Variants in ANAPC1 observed in about 807,000 individuals in gnomAD.
ANAPC1 encodes the protein anaphase promoting complex subunit 1.
In ANAPC1, 36 loss-of-function variants were observed where a neutral mutation model predicts 208.0. The observed-to-expected ratio is 0.17, with a 90% CI of 0.13 to 0.23. The LOEUF is 0.23. Ranked by LOEUF, ANAPC1 falls within the 10% of genes least tolerant of loss-of-function variation. The pLI is 1.00. For synonymous variants in ANAPC1, 378 were observed against 695.2 expected, an observed-to-expected ratio of 0.54 and a Z score of 7.18; for missense variants, 942 against 2,011.6, an observed-to-expected ratio of 0.47 and a Z score of 10.17.
At chr2:111,806,995 G>A (rs1678714163) in intron 29 of ANAPC1, among the ~76,000 whole-genome samples, 1 of 68,066 alleles carries the variant, frequency 1.5e-5, no homozygotes, top group Non-Finnish European at 2.8e-5. Flanking sequence ...CAACGAGTTC[G>A]AGACCAGCCT....
At chr2:111,840,856 G>A (rs1368662465) in intron 17 of ANAPC1, among the ~76,000 whole-genome samples, 1 of 152,068 alleles carries the variant, frequency 6.6e-6, no homozygotes, top group Non-Finnish European at 1.5e-5. Flanking sequence ...CATCATAGCC[G>A]ACACGGCAAA....
At chr2:111,870,932 T>C in intron 6 of ANAPC1, among the ~76,000 whole-genome samples, 1 of 150,804 alleles carries the variant, frequency 6.6e-6, no homozygotes, top group East Asian at 1.9e-4. Context: ...CCCAGCACCA[T>C]TTACTAAATA....
In ANAPC1 at chr2:111,843,437, G is replaced by A. The variant is rs530034706; in HGVS notation, c.2015C>T (p.Thr672Ile). The A allele has an allele frequency of 6.2e-7, 1 of 1,611,936 alleles. No individual in the cohort carries two copies. Among genetic ancestry groups the A allele is most frequent in the African/African-American group, 1.3e-5 (1 of 74,942 alleles). ...ATTTCTAGTCCATGCTAAGCGGTCT[G>A]TGTTATAACCCATCATGTTCATGAG... ...TCLMNMMGYN[T>I]DRLAWTRNFD... The change falls in exon 17 of 48, where the codon ACA becomes ATA. Residue 672 changes from threonine to isoleucine, a missense_variant. Thr to Ile is a moderately conservative substitution (Grantham distance 89, BLOSUM62 -1). Transcript: ENST00000341068.
chr2:111,840,643 G>T (rs185293591), intron 17 of ANAPC1, among the ~76,000 whole-genome samples: 1 of 152,126 alleles, frequency 6.6e-6, no homozygotes, highest in Non-Finnish European at 1.5e-5. Context: ...AAGCTGACGC[G>T]TTTTTTCATA....
At chr2:111,816,270 G>GAA (rs71274917) in intron 27 of ANAPC1, among the ~76,000 whole-genome samples, 4 of 128,246 alleles carry the variant, frequency 3.1e-5, no homozygotes, top group Non-Finnish European at 6.5e-5. Context: ...TCTCAAAAAA[G>GAA]AAAAAAAAAA....
chr2:111,787,760 G>A, intron 39 of ANAPC1, among the ~76,000 whole-genome samples: 1 of 149,312 alleles, frequency 6.7e-6, no homozygotes. Flanking sequence ...CTGGTTTTTT[G>A]CTGTATTTTG....
chr2:111,849,999 TTCTA>T (rs1364020301), intron 14 of ANAPC1, among the ~76,000 whole-genome samples: 1 of 152,158 alleles, frequency 6.6e-6, no homozygotes, highest in Non-Finnish European at 1.5e-5. Flanking sequence ...CATTTGTAAC[TTCTA>T]TCTCATTTGT....
At chr2:111,856,164 G>A (rs944170912) in intron 13 of ANAPC1, among the ~76,000 whole-genome samples, 15 of 152,200 alleles carry the variant, frequency 9.9e-5, no homozygotes, top group African/African-American at 3.1e-4. Flanking sequence ...GAACCCGGGA[G>A]GCGGAGCTTG....
chr2:111,874,912 G>A lies in ANAPC1; in HGVS notation c.376-1248C>T, dbSNP rs188025571. ...AGCTCGCAGCAGCCTAGAACTCCTG[G>A]GTTCACATGACCCCCCTGCCTCAGT... On this transcript the variant is annotated intron_variant, in intron 3 of 47. Coordinates refer to ENST00000341068, the MANE Select transcript of ANAPC1 (RefSeq NM_022662.4). Among the ~76,000 whole-genome samples the A allele has an allele frequency of 5.3e-3, 808 of 152,258 alleles. 4 individuals carry two copies. Among genetic ancestry groups the A allele is most frequent in the Non-Finnish European group, 7.6e-3 (514 of 68,030 alleles).
chr2:111,872,917 T>C, intron 5 of ANAPC1: 1 of 559,564 alleles, frequency 1.8e-6, no homozygotes, highest in East Asian at 3.0e-5. Flanking sequence ...AGAGGAGTTG[T>C]TCAATGTGAA....
chr2:111,864,509 G>C (rs1400759140), intron 8 of ANAPC1, among the ~76,000 whole-genome samples: 2 of 122,860 alleles, frequency 1.6e-5, no homozygotes, highest in African/African-American at 6.1e-5. Context: ...CTGTGACCCA[G>C]GCTGGAGTGC....
rs10221867 is a variant in ANAPC1, at chr2:111,828,702, T to G, written c.2625+2584A>C. Among the ~76,000 whole-genome samples, 876 of 152,300 alleles carry G rather than the reference T, an allele frequency of 5.8e-3. 8 individuals carry two copies. The highest frequency in any genetic ancestry group is 0.02 in the African/African-American group (842 of 41,558). On this transcript the variant is annotated intron_variant, in intron 21 of 47. Coordinates refer to ENST00000341068, the MANE Select transcript of ANAPC1 (RefSeq NM_022662.4). Reference sequence around the variant, plus strand: ...GTGAAATAAGCCAGACACAGAGAGATAAATATTGCTTGATTCCCATAACAT... The same window carrying G: ...GTGAAATAAGCCAGACACAGAGAGAGAAATATTGCTTGATTCCCATAACAT...
At chr2:111,881,801 C>T (rs1180770208) in intron 1 of ANAPC1, among the ~76,000 whole-genome samples, 5 of 152,220 alleles carry the variant, frequency 3.3e-5, no homozygotes, top group Admixed American at 6.5e-5. Context: ...CAAGGAACCA[C>T]ATTAGCATGA....
intron 37 of ANAPC1, 112 bp from the exon 38 acceptor site, chr2:111,792,667 T>C: frequency 1.2e-6 from 1 of 804,512 alleles, no homozygotes; most frequent in Non-Finnish European, 1.9e-6. Flanking sequence ...TAAAAAAAAA[T>C]CTGGGCTGGG....
chr2:111,855,601 A>G (rs1681660573), intron 13 of ANAPC1, among the ~76,000 whole-genome samples: 1 of 152,232 alleles, frequency 6.6e-6, no homozygotes, highest in Admixed American at 6.5e-5. Flanking sequence ...TAAGTATATC[A>G]GAGGCGAGTA....
At chr2:111,883,494 A>G (rs1441375173) in intron 1 of ANAPC1, among the ~76,000 whole-genome samples, 2 of 151,976 alleles carry the variant, frequency 1.3e-5, no homozygotes, top group African/African-American at 4.8e-5. Context: ...TATGCTATAA[A>G]TAACAGTATC....
rs1316619816 is a variant in ANAPC1, at chr2:111,817,791, T to G, written c.3325+1049A>C. Among the ~76,000 whole-genome samples the G allele has an allele frequency of 2.3e-5, 2 of 88,564 alleles. 1 individual carries two copies. The allele number at this position is 88,564 out of a possible 152,430, so 58.1% of individuals were successfully genotyped here. ...ATACTATACACTCCTACAACATACA[T>G]TATACATTTTGTATAGGTTTCACAA... On this transcript the variant is annotated intron_variant, in intron 27 of 47. Coordinates refer to ENST00000341068, the MANE Select transcript of ANAPC1 (RefSeq NM_022662.4).
chr2:111,879,649 T>C (rs907388283), intron 2 of ANAPC1, among the ~76,000 whole-genome samples: 9 of 151,990 alleles, frequency 5.9e-5, no homozygotes, highest in Non-Finnish European at 1.0e-4. Flanking sequence ...GGCAGGTGGA[T>C]CACCTGAGGT....
In ANAPC1 at chr2:111,769,239, A is replaced by G; in HGVS notation, c.*52T>C. On this transcript the variant is annotated 3_prime_UTR_variant, in exon 48 of 48. Coordinates refer to ENST00000341068, the MANE Select transcript of ANAPC1 (RefSeq NM_022662.4). ...ATTGCTTTAGCTTTGATGTTTGGTC[A>G]CGTTTGTTGTGCAGAAGTCACGTTT... 6.2e-7 allele frequency: 1 copy of G among 1,608,970 alleles called. No individual in the cohort carries two copies. The highest frequency in any genetic ancestry group is 1.3e-5 in the African/African-American group (1 of 74,924).
Sources: allele counts gnomAD v4.1 joint callset (sites outside exome capture counted in the v4.1 genomes callset), GRCh38; gene constraint gnomAD v4.1.1; transcripts MANE v1.5; gene names NCBI Gene and HGNC (gene_info 2026-07-23, HGNC 2026-07-21).